Variants in COL23A1 observed in about 807,000 individuals in gnomAD.
COL23A1 encodes collagen type XXIII alpha 1 chain.
In COL23A1, 97 loss-of-function variants were observed where a neutral mutation model predicts 99.3. The observed-to-expected ratio is 0.98, with a 90% confidence interval of 0.83 to 1.16. COL23A1 has a LOEUF of 1.16. Among genes scored for constraint, COL23A1 ranks in the 50% most tolerant of loss-of-function variants. COL23A1 has a pLI of 0.00. For missense variants in COL23A1, 762 were observed against 757.4 expected (o/e 1.01, Z -0.07); for synonymous variants, 320 against 308.2 (o/e 1.04, Z -0.40).
intron 2 of COL23A1, among the ~76,000 whole-genome samples, chr5:178,338,729 A>G (rs1760492720): frequency 6.6e-6 from 1 of 152,170 alleles, no homozygotes; most frequent in African/African-American, 2.4e-5. Flanking sequence ...GATTTGGTTA[A>G]TGGGGGGGTC....
At position 178,312,132 on chromosome 5, in the gene COL23A1, C is replaced by T. The variant is rs562627913; in HGVS notation, c.362-5213G>A. On this transcript the variant is annotated intron_variant, in intron 2 of 28. Coordinates refer to ENST00000390654, the MANE Select transcript of COL23A1 (RefSeq NM_173465.4). Reference sequence around the variant, plus strand: ...CAGGTTCGAGGTGCTGAGACGCCGACGGAGCCCTTGACTGCACTTTGAGCA... The same window carrying T: ...CAGGTTCGAGGTGCTGAGACGCCGATGGAGCCCTTGACTGCACTTTGAGCA... Among the ~76,000 whole-genome samples, 10 of 152,330 alleles carry T rather than the reference C, an allele frequency of 6.6e-5. No individual in the cohort carries two copies. The East Asian group carries it at 9.7e-4, about 15-fold the overall frequency.
At chr5:178,330,405 C>T (rs1460686906) in intron 2 of COL23A1, among the ~76,000 whole-genome samples, 5 of 152,176 alleles carry the variant, frequency 3.3e-5, no homozygotes, top group Non-Finnish European at 7.3e-5. Context: ...GCCTGTAATC[C>T]CAGTAGTTCA....
intron 2 of COL23A1, among the ~76,000 whole-genome samples, chr5:178,476,602 G>A (rs899035245): frequency 3.3e-5 from 5 of 152,228 alleles, no homozygotes; most frequent in African/African-American, 4.8e-5. Context: ...CAGGAATCTC[G>A]GGGCTGTCTT....
chr5:178,517,873 CT>C (rs71577021), intron 2 of COL23A1, among the ~76,000 whole-genome samples: 2,246 of 97,354 alleles, frequency 0.023, 18 homozygotes, highest in African/African-American at 0.039. Flanking sequence ...AACAGCGGTT[CT>C]TTTTTTTTTT....
In COL23A1 at chr5:178,480,698, A is replaced by G. The variant is rs150035290; in HGVS notation, c.361+79984T>C. 3.1e-3 allele frequency among the ~76,000 whole-genome samples: 473 copies of G among 152,320 alleles called. 1 individual carries two copies. The highest frequency in any genetic ancestry group is 0.011 in the African/African-American group (459 of 41,560). ...AGGAAACTTCACAGGGAAAATGAAC[A>G]AGGTAAGTCAAAATGTAATGGTCAC... On this transcript the variant is annotated intron_variant, in intron 2 of 28. Transcript: ENST00000390654.
intron 2 of COL23A1, among the ~76,000 whole-genome samples, chr5:178,413,896 C>A (rs1343786072): frequency 1.3e-5 from 2 of 152,198 alleles, no homozygotes; most frequent in African/African-American, 4.8e-5. Context: ...TTTTGTCTAT[C>A]CAATGTCTGT....
chr5:178,295,232 G>C (rs918929761), intron 3 of COL23A1, among the ~76,000 whole-genome samples: 2 of 152,082 alleles, frequency 1.3e-5, no homozygotes, highest in Non-Finnish European at 2.9e-5. Flanking sequence ...ATGTCACAAA[G>C]GCTAGATATC....
chr5:178,396,753 G>A (rs1442215676), intron 2 of COL23A1, among the ~76,000 whole-genome samples: 2 of 68,184 alleles, frequency 2.9e-5, no homozygotes, highest in Admixed American at 1.5e-4. Context: ...TGTCCTCCGA[G>A]AGTCTCTCCC....
intron 2 of COL23A1, among the ~76,000 whole-genome samples, chr5:178,357,743 CGTGTATGTGT>C (rs1561894516): frequency 6.7e-6 from 1 of 149,622 alleles, no homozygotes; most frequent in African/African-American, 2.5e-5. Context: ...TGTGTATGTA[CGTGTATGTGT>C]GTGTGTACGT....
Position 178,246,206 on chromosome 5 carries a change from T to C in COL23A1, c.1413+48A>G, listed in dbSNP as rs772607697. 1.7e-5 allele frequency: 26 copies of C among 1,545,056 alleles called. No individual in the cohort carries two copies. In the Admixed American group the frequency reaches 3.9e-4, roughly 23 times the overall value. ...GGGGTCCCCGGGCTGAGCGCCACCA[T>C]GACCAGGTGGCCACGGTTGGAGAGG... is the stretch of plus-strand genomic sequence containing the variant. On this transcript the variant is annotated intron_variant, in intron 24 of 28. Transcript: ENST00000390654.
intron 2 of COL23A1, among the ~76,000 whole-genome samples, chr5:178,536,263 C>T (rs563730818): frequency 2.6e-5 from 4 of 152,374 alleles, no homozygotes; most frequent in Non-Finnish European, 4.4e-5. Flanking sequence ...TGCCTCCTCA[C>T]GGGAGAACCA....
chr5:178,461,710 C>G (rs1756132200), intron 2 of COL23A1, among the ~76,000 whole-genome samples: 1 of 152,152 alleles, frequency 6.6e-6, no homozygotes, highest in Non-Finnish European at 1.5e-5. Flanking sequence ...ACCATATTCA[C>G]CTAACAGGGA....
Position 178,326,414 on chromosome 5 carries a change from T to TA in COL23A1, c.362-19496dup, listed in dbSNP as rs34380897. 4.9e-4 allele frequency among the ~76,000 whole-genome samples: 73 copies of TA among 148,480 alleles called. 1 individual carries two copies. The highest frequency in any genetic ancestry group is 7.9e-4 in the East Asian group (4 of 5,034). ...TCAAAGTTTATTTAGAGAGAACATT[T>TA]AAAAAAAAAAAAAGACCGAACGAGA... On this transcript the variant is annotated intron_variant, in intron 2 of 28. Coordinates refer to ENST00000390654, the MANE Select transcript of COL23A1 (RefSeq NM_173465.4).
intron 2 of COL23A1, among the ~76,000 whole-genome samples, chr5:178,534,548 A>C (rs1760828056): frequency 6.6e-6 from 1 of 152,194 alleles, no homozygotes; most frequent in African/African-American, 2.4e-5. Flanking sequence ...TGGGAGGCCA[A>C]GGCGGGCAGA....
At chr5:178,469,975 A>C (rs549540879) in intron 2 of COL23A1, among the ~76,000 whole-genome samples, 1 of 152,308 alleles carries the variant, frequency 6.6e-6, no homozygotes, top group East Asian at 1.9e-4. Flanking sequence ...GTTCATTTAA[A>C]AGTATTTCCA....
rs1764206832 is a variant in COL23A1, at chr5:178,590,306, G to A, written c.-109C>T. The A allele has an allele frequency of 2.9e-6, 3 of 1,018,242 alleles. No homozygotes were observed. The highest frequency in any genetic ancestry group is 3.7e-6 in the Non-Finnish European group (3 of 816,058). The allele number at this position is 1,018,242 out of a possible 1,614,324, so 63.1% of individuals were successfully genotyped here. The stretch of plus-strand genomic sequence containing the variant: ...CCGAGGCACGAGGTCCGCCGGGCGC[G>A]GGGGTTAGCCTCCGGGTAGCAGCGG... On this transcript the variant is annotated 5_prime_UTR_variant, in exon 1 of 29. Transcript: ENST00000390654. This position sits in a 1 kb window ranked among gnomAD's most constrained non-coding sequence, Gnocchi z 5.7.
rs1554145323 is a variant in COL23A1 at position 178,358,260 on chromosome 5, A to ATGTGTG, written c.362-51342_362-51341insCACACA. Among the ~76,000 whole-genome samples, 10 of 119,348 alleles carry ATGTGTG rather than the reference A, an allele frequency of 8.4e-5. 1 individual carries two copies. The highest frequency in any genetic ancestry group is 2.6e-4 in the African/African-American group (8 of 30,264). 78.3% of individuals were successfully genotyped at this position (119,348 alleles called of 152,430 possible). On this transcript the variant is annotated intron_variant, in intron 2 of 28. Transcript: ENST00000390654. ...TGTGTATGTGTATGTGTGTGTATGT[A>ATGTGTG]TATGTGTGTATATGTGTGTATGCGT...
At chr5:178,267,953 T>C (rs1252782532) in intron 7 of COL23A1, among the ~76,000 whole-genome samples, 1 of 152,204 alleles carries the variant, frequency 6.6e-6, no homozygotes, top group Non-Finnish European at 1.5e-5. Flanking sequence ...CCCGGCAACT[T>C]GGCCAAGGTC....
At chr5:178,383,231 G>A (rs1763479073) in intron 2 of COL23A1, among the ~76,000 whole-genome samples, 1 of 152,166 alleles carries the variant, frequency 6.6e-6, no homozygotes, top group South Asian at 2.1e-4. Flanking sequence ...ACTGGTCTGG[G>A]AACTGCACTT....
Sources: gnomAD v4.1 joint callset for allele counts (sites outside exome capture counted in the v4.1 genomes callset) on GRCh38, gnomAD v4.1.1 for gene constraint, Gnocchi (gnomAD v3.1) non-coding constraint, MANE v1.5 for transcripts, NCBI Gene and HGNC (gene_info 2026-07-23, HGNC 2026-07-21) for gene names.